The following RAI1 variants were observed in gnomAD, a reference collection of about 807,000 sequenced individuals.
The protein encoded by RAI1 is retinoic acid-induced protein 1.
A neutral mutation model predicts 123.8 loss-of-function variants in RAI1; 9 were observed. The ratio of observed to expected loss-of-function variants is 0.07; its 90% CI spans 0.04 to 0.13. The LOEUF (loss-of-function observed/expected upper bound fraction) is 0.13. RAI1 is among the 10% of genes least tolerant of loss of function. The pLI is 1.00. For synonymous variants in RAI1, 1,231 were observed against 1,127.3 expected (o/e 1.09, Z -1.84); for missense variants, 2,256 against 2,545.8 (o/e 0.89, Z 2.45).
chr17:17,694,522 C>G (rs565192538), intron 1 of RAI1, among the ~76,000 whole-genome samples: 7 of 152,322 alleles, frequency 4.6e-5, no homozygotes, highest in Admixed American at 4.6e-4. Flanking sequence ...GCCCGGGCAG[C>G]TCCACGCTCG....
chr17:17,715,326 G>T (rs574818808), intron 1 of RAI1, among the ~76,000 whole-genome samples: 1 of 152,240 alleles, frequency 6.6e-6, no homozygotes, highest in African/African-American at 2.4e-5. Context: ...CCGGGCAGTG[G>T]TTTGGGCTCC....
At chr17:17,713,706 G>C (rs1915632057) in intron 1 of RAI1, among the ~76,000 whole-genome samples, 2 of 152,164 alleles carry the variant, frequency 1.3e-5, no homozygotes, top group Non-Finnish European at 2.9e-5. Flanking sequence ...AATTGTCATA[G>C]GGTGAAGGGG....
chr17:17,702,378 G>C (rs1317199567), intron 1 of RAI1, among the ~76,000 whole-genome samples: 1 of 152,188 alleles, frequency 6.6e-6, no homozygotes, highest in African/African-American at 2.4e-5. Flanking sequence ...TCTTCAGCTG[G>C]GTTCCTCACT....
At chr17:17,741,311 TTA>T (rs1916628698) in intron 2 of RAI1, among the ~76,000 whole-genome samples, 2 of 152,042 alleles carry the variant, frequency 1.3e-5, no homozygotes, top group Admixed American at 6.5e-5. Flanking sequence ...GATTCTGGAG[TTA>T]CCTTAGTTAC....
intron 2 of RAI1, among the ~76,000 whole-genome samples, chr17:17,770,434 G>A (rs1042597729): frequency 1.3e-5 from 2 of 152,196 alleles, no homozygotes; most frequent in African/African-American, 2.4e-5. Flanking sequence ...GGATCCTTGC[G>A]TGTGCATAAA....
At position 17,793,946 on chromosome 17, in the gene RAI1, A is replaced by T; in HGVS notation, c.998A>T (p.Gln333Leu). The T allele has an allele frequency of 6.2e-7, 1 of 1,613,962 alleles. No individual in the cohort carries two copies. Among genetic ancestry groups the T allele is most frequent in the South Asian group, 1.1e-5 (1 of 91,090 alleles). ...QPDAAVRTPE[Q>L]YYQTFSPSSS... ...GACGCAGCCGTCCGGACCCCAGAGC[A>T]GTACTACCAGACCTTCAGCCCCAGC... is the stretch of plus-strand genomic sequence containing the variant. Residue 333 changes from glutamine to leucine, a missense_variant, in exon 3 of 6, where the codon CAG (glutamine) becomes CTG (leucine). Around this residue, in one of 7 missense-constraint regions of RAI1, gnomAD observed 357 missense variants for 480.2 expected, o/e 0.74. Coordinates refer to ENST00000353383, the MANE Select transcript of RAI1 (RefSeq NM_030665.4).
chr17:17,794,196 C>G lies in RAI1; in HGVS notation c.1248C>G (p.Pro416=), dbSNP rs754776044. The stretch of plus-strand genomic sequence containing the variant: ...ACACCCAGGCTGGCAACTGCAAGCC[C>G]CTTCAGAAGGACAAGCTCCCTGAGA... ...SVDTQAGNCK[P]LQKDKLPENL... Residue 416 remains proline, a synonymous_variant, in exon 3 of 6, where the codon CCC becomes CCG. Transcript: ENST00000353383. The G allele has an allele frequency of 6.2e-7, 1 of 1,613,694 alleles. No individual in the cohort carries two copies. Among genetic ancestry groups the G allele is most frequent in the East Asian group, 2.2e-5 (1 of 44,874 alleles).
At chr17:17,725,716 C>G (rs1296306833) in intron 2 of RAI1, among the ~76,000 whole-genome samples, 3 of 152,100 alleles carry the variant, frequency 2.0e-5, no homozygotes, top group African/African-American at 7.2e-5. Flanking sequence ...AGCAGCCAGG[C>G]TATCAAGGTG....
At chr17:17,803,992 C>T (rs1381394959) in intron 4 of RAI1, 143 bp downstream of exon 4, 2 of 843,296 alleles carry the variant, frequency 2.4e-6, no homozygotes, top group South Asian at 1.4e-5. Context: ...TTCTTTTATC[C>T]TTCTGTCTGC....
intron 2 of RAI1, among the ~76,000 whole-genome samples, chr17:17,780,082 T>TTTTTTTTTTTTAAA (rs71152902): frequency 9.0e-6 from 1 of 110,962 alleles, no homozygotes; most frequent in Non-Finnish European, 1.8e-5. Flanking sequence ...GGCTTTTTTT[T>TTTTTTTTTTTTAAA]AAGACAAGAG....
rs908033997 is a variant in RAI1 at position 17,783,338 on chromosome 17, G to C, written c.-16-9595G>C. 5.3e-5 allele frequency among the ~76,000 whole-genome samples: 8 copies of C among 151,928 alleles called. 1 individual carries two copies. Among genetic ancestry groups the C allele is most frequent in the Non-Finnish European group, 1.2e-4 (8 of 67,850 alleles). ...GCCGTGACCTTGCTGGGGTCAGCGGGCTGGGCTGCGGAGGCGGCGGCGCGG... is the reference window on the plus strand; with the variant it reads ...GCCGTGACCTTGCTGGGGTCAGCGGCCTGGGCTGCGGAGGCGGCGGCGCGG... On this transcript the variant is annotated intron_variant, in intron 2 of 5. Transcript: ENST00000353383.
At chr17:17,718,742 A>G (rs1313392843) in intron 1 of RAI1, among the ~76,000 whole-genome samples, 1 of 152,088 alleles carries the variant, frequency 6.6e-6, no homozygotes, top group East Asian at 1.9e-4. Context: ...GGAAACTGGG[A>G]AGGTGACTGG....
At chr17:17,716,805 C>T (rs1367882662) in intron 1 of RAI1, among the ~76,000 whole-genome samples, 1 of 152,180 alleles carries the variant, frequency 6.6e-6, no homozygotes, top group African/African-American at 2.4e-5. Context: ...GTGGTCACCA[C>T]GGCCCCGTGG....
Position 17,809,360 on chromosome 17 carries a change from C to T in RAI1, c.5660-30C>T. The T allele has an allele frequency of 1.3e-6, 2 of 1,589,704 alleles. No individual in the cohort carries two copies. The highest frequency in any genetic ancestry group is 2.2e-5 in the South Asian group (2 of 90,592). ...ACAGCTGTGGGGCCCCCACCCTGTC[C>T]TAACCACCGAAACTTCTCTTTGGTC... On this transcript the variant is annotated intron_variant, in intron 4 of 5. Transcript: ENST00000353383. This position sits in a 1 kb window ranked among gnomAD's most constrained non-coding sequence, Gnocchi z 4.9.
chr17:17,756,115 C>T (rs1457023563), intron 2 of RAI1, among the ~76,000 whole-genome samples: 1 of 152,110 alleles, frequency 6.6e-6, no homozygotes, highest in Admixed American at 6.5e-5. Flanking sequence ...TCCCCTGGGA[C>T]AGGAGTTCTG....
In RAI1 at chr17:17,793,533, C is replaced by T. The variant is rs772210966; in HGVS notation, c.585C>T (p.Asn195=). ...AGCTCCAAAGGCAGAAGCTGCAGAA[C>T]GACATTGCCTCCCCTCTGCCCTTCC... The part of the protein sequence containing the change: ...YPKLQRQKLQ[N]DIASPLPFPQ... The change falls in exon 3 of 6, where the codon AAC becomes AAT. Residue 195 remains asparagine (N), a synonymous_variant. Transcript: ENST00000353383. 61 of 1,613,916 alleles carry T rather than the reference C, an allele frequency of 3.8e-5. No individual in the cohort carries two copies. Among genetic ancestry groups the T allele is most frequent in the East Asian group, 6.7e-5 (3 of 44,898 alleles).
At chr17:17,681,939 C>T (rs1914433427) in intron 1 of RAI1, 146 bp downstream of exon 1, 2 of 229,836 alleles carry the variant, frequency 8.7e-6, no homozygotes, top group Non-Finnish European at 1.7e-5. Flanking sequence ...ATGTGGGGTC[C>T]GCGGGGTCCT....
At chr17:17,721,380 C>G (rs1056340299) in intron 1 of RAI1, among the ~76,000 whole-genome samples, 1 of 152,170 alleles carries the variant, frequency 6.6e-6, no homozygotes, top group African/African-American at 2.4e-5. Flanking sequence ...AAATACCTAC[C>G]AGATACCTAA....
intron 2 of RAI1, among the ~76,000 whole-genome samples, chr17:17,781,204 C>T (rs2031567769): frequency 6.6e-6 from 1 of 152,230 alleles, no homozygotes; most frequent in East Asian, 1.9e-4. Context: ...CTGGAATGCC[C>T]TGCTCCTTTC....
Sources: allele counts gnomAD v4.1 joint callset (sites outside exome capture counted in the v4.1 genomes callset), GRCh38; gene constraint gnomAD v4.1.1; regional missense constraint gnomAD v4.1.1; non-coding constraint Gnocchi (gnomAD v3.1); transcripts MANE v1.5; gene names NCBI Gene and HGNC (gene_info 2026-07-23, HGNC 2026-07-21).